Variants in ABCC1 observed in about 807,000 individuals in gnomAD.
ABCC1 encodes multidrug resistance-associated protein 1.
Under a neutral mutation model 172.9 loss-of-function variants are expected in ABCC1, and 83 were observed. That is an observed-to-expected ratio of 0.48 (90% CI 0.40 to 0.58). The LOEUF (loss-of-function observed/expected upper bound fraction) is 0.58. ABCC1 is among the 20% of genes least tolerant of loss of function. The probability of loss-of-function intolerance (pLI) is 0.00; values close to 1 mark genes in which losing one functional copy is unlikely to be tolerated. For missense variants in ABCC1, 1,817 were observed against 2,002.7 expected, an observed-to-expected ratio of 0.91 and a Z score of 1.77; for synonymous variants, 937 against 825.2, an observed-to-expected ratio of 1.14 and a Z score of -2.32.
intron 3 of ABCC1, among the ~76,000 whole-genome samples, chr16:16,012,775 C>T (rs1372749394): frequency 2.6e-5 from 4 of 151,342 alleles, no homozygotes; most frequent in Non-Finnish European, 5.9e-5. Flanking sequence ...CTCTGCCTCC[C>T]GGGTTCAAGT....
rs1039931096 is a variant in ABCC1, at chr16:16,033,185, C to A, written c.677+15C>A. 7 of 1,612,750 alleles carry A rather than the reference C, an allele frequency of 4.3e-6. No homozygotes were observed. In the African/African-American group the frequency reaches 9.3e-5, roughly 22 times the overall value. ...TGGATCACAGGGTAAGGCCAGGCCC[C>A]CCAGACCTCAGGGAGGTGGTGGGGA... On this transcript the variant is annotated intron_variant, in intron 6 of 30. Coordinates refer to ENST00000399410, the MANE Select transcript of ABCC1 (RefSeq NM_004996.4).
rs1386016639 is a variant in ABCC1 at position 15,981,770 on chromosome 16, C to T, written c.49-26046C>T. Reference sequence around the variant, plus strand: ...GGTTCCGTTTTACTTATGCAAATTTCTGCAGCAGGCTTGAATTTTTCCCCA... The same window carrying T: ...GGTTCCGTTTTACTTATGCAAATTTTTGCAGCAGGCTTGAATTTTTCCCCA... On this transcript the variant is annotated intron_variant, in intron 1 of 30. Transcript: ENST00000399410. Among the ~76,000 whole-genome samples, 2 of 152,204 alleles carry T rather than the reference C, an allele frequency of 1.3e-5. 1 individual carries two copies. Among genetic ancestry groups the T allele is most frequent in the African/African-American group, 4.8e-5 (2 of 41,428 alleles).
At position 16,044,556 on chromosome 16, in the gene ABCC1, CAGA is replaced by C; in HGVS notation, c.919_921del (p.Lys307del). 2.5e-6 allele frequency: 4 copies of C among 1,614,206 alleles called. No homozygotes were observed. Among genetic ancestry groups the C allele is most frequent in the East Asian group, 2.2e-5 (1 of 44,880 alleles). The stretch of plus-strand genomic sequence containing the variant: ...GGAGGCTTTGATCGTCAAGTCCCCA[CAGA>C]AGGAGTGGAACCCCTCTCTGTTTAA... On this transcript the variant is annotated inframe_deletion, in exon 8 of 31. Coordinates refer to ENST00000399410, the MANE Select transcript of ABCC1 (RefSeq NM_004996.4).
At chr16:16,066,302 C>T (rs1305907746) in intron 12 of ABCC1, among the ~76,000 whole-genome samples, 3 of 152,020 alleles carry the variant, frequency 2.0e-5, no homozygotes, top group Non-Finnish European at 2.9e-5. Flanking sequence ...CTGCCTCAGC[C>T]TACTGAGTAG....
chr16:16,119,578 C>G lies in ABCC1; in HGVS notation c.3391-2397C>G, dbSNP rs371624799. Among the ~76,000 whole-genome samples, 6 of 152,194 alleles carry G rather than the reference C, an allele frequency of 3.9e-5. No homozygotes were observed. The East Asian group carries it at 5.8e-4, about 15-fold the overall frequency. On this transcript the variant is annotated intron_variant, in intron 23 of 30. Transcript: ENST00000399410. ...CGGTGGTGGGCGCCTGCAATTCCAG[C>G]TACTTAGGAGGCTAAGGCAGGAGAA...
intron 13 of ABCC1, among the ~76,000 whole-genome samples, chr16:16,069,528 A>AT (rs1056765765): frequency 3.9e-5 from 6 of 152,224 alleles, no homozygotes; most frequent in Middle Eastern, 3.4e-3. Context: ...CTGTTTTCAC[A>AT]TTCTTTTTCC....
intron 7 of ABCC1, among the ~76,000 whole-genome samples, chr16:16,040,064 T>TTGTATGTATGTATGTA (rs10543561): frequency 1.7e-4 from 23 of 134,780 alleles, no homozygotes; most frequent in Non-Finnish European, 3.2e-4. Context: ...GTTTGTTTGT[T>TTGTATGTATGTATGTA]TGTATGTATG....
chr16:16,051,062 A>C (rs1597175985), intron 10 of ABCC1, among the ~76,000 whole-genome samples: 1 of 152,178 alleles, frequency 6.6e-6, no homozygotes, highest in African/African-American at 2.4e-5. Flanking sequence ...ATTGTCTAAC[A>C]TCACGTTTTG....
chr16:16,135,394 C>T (rs947979082), intron 28 of ABCC1, among the ~76,000 whole-genome samples: 13 of 152,118 alleles, frequency 8.5e-5, no homozygotes, highest in African/African-American at 3.1e-4. Flanking sequence ...GAGTTTAGCT[C>T]CCTCTTACAA....
At chr16:15,994,105 A>G (rs540129623) in intron 1 of ABCC1, among the ~76,000 whole-genome samples, 4 of 152,296 alleles carry the variant, frequency 2.6e-5, no homozygotes, top group African/African-American at 9.6e-5. Flanking sequence ...AGGTAGTCCC[A>G]GCTACTTGGG....
Position 15,957,888 on chromosome 16 carries a change from C to T in ABCC1, c.48+8089C>T, listed in dbSNP as rs570268433. Reference sequence around the variant, plus strand: ...ATTACAGGCATGAGCCACTGTGGCCCGCCCTACAATGTTTATTCATTGGCA... The same window carrying T: ...ATTACAGGCATGAGCCACTGTGGCCTGCCCTACAATGTTTATTCATTGGCA... On this transcript the variant is annotated intron_variant, in intron 1 of 30. Transcript: ENST00000399410. Among the ~76,000 whole-genome samples the T allele has an allele frequency of 1.6e-4, 24 of 151,998 alleles. No individual in the cohort carries two copies. The South Asian group carries it at 2.3e-3, about 14-fold the overall frequency.
At chr16:16,081,147 C>T (rs1049892645) in intron 16 of ABCC1, among the ~76,000 whole-genome samples, 3 of 152,150 alleles carry the variant, frequency 2.0e-5, no homozygotes, top group Non-Finnish European at 4.4e-5. Flanking sequence ...GGATTACAGG[C>T]GTGAGCCACC....
At chr16:16,098,590 G>A (rs895139618) in intron 19 of ABCC1, among the ~76,000 whole-genome samples, 4 of 152,266 alleles carry the variant, frequency 2.6e-5, no homozygotes, top group African/African-American at 9.6e-5. Flanking sequence ...CTTCCCTCCA[G>A]CCTGGGCTAA....
chr16:16,002,198 A>T (rs1269028237), intron 1 of ABCC1, among the ~76,000 whole-genome samples: 2 of 152,250 alleles, frequency 1.3e-5, no homozygotes, highest in Non-Finnish European at 2.9e-5. Flanking sequence ...GTTCATGTAT[A>T]CTGCGGGATG....
At chr16:16,120,594 A>G (rs550923481) in intron 23 of ABCC1, among the ~76,000 whole-genome samples, 1 of 152,174 alleles carries the variant, frequency 6.6e-6, no homozygotes, top group East Asian at 1.9e-4. Flanking sequence ...TGAAGCCCGG[A>G]GAAGGTGCTC....
At chr16:16,025,043 G>C (rs945118670) in intron 5 of ABCC1, among the ~76,000 whole-genome samples, 4 of 152,094 alleles carry the variant, frequency 2.6e-5, no homozygotes, top group Non-Finnish European at 5.9e-5. Flanking sequence ...ATGGGCAAAG[G>C]GCATGGGCAA....
intron 5 of ABCC1, among the ~76,000 whole-genome samples, chr16:16,032,149 T>G (rs2048581611): frequency 6.6e-6 from 1 of 151,882 alleles, no homozygotes; most frequent in Non-Finnish European, 1.5e-5. Flanking sequence ...TGCCACCACA[T>G]CCAGCTAATT....
At chr16:15,977,628 G>A (rs538200787) in intron 1 of ABCC1, among the ~76,000 whole-genome samples, 6 of 152,164 alleles carry the variant, frequency 3.9e-5, no homozygotes, top group African/African-American at 1.4e-4. Flanking sequence ...TAGCACCTTG[G>A]CCCTTCGAGA....
chr16:15,965,993 T>C (rs1046987466), intron 1 of ABCC1, among the ~76,000 whole-genome samples: 1 of 152,156 alleles, frequency 6.6e-6, no homozygotes, highest in Non-Finnish European at 1.5e-5. Context: ...ATGAATAACA[T>C]CTGAAAAGGC....
Sources: gnomAD v4.1 joint callset for allele counts (sites outside exome capture counted in the v4.1 genomes callset) on GRCh38, gnomAD v4.1.1 for gene constraint, MANE v1.5 for transcripts, NCBI Gene and HGNC (gene_info 2026-07-23, HGNC 2026-07-21) for gene names.